SUSD1: variants seen among roughly 807,000 people sequenced by gnomAD.
SUSD1 encodes the protein sushi domain-containing protein 1.
Under a neutral mutation model 86.9 loss-of-function variants are expected in SUSD1, and 65 were observed. That is an observed-to-expected ratio of 0.75 (90% CI 0.61 to 0.92). SUSD1 has a LOEUF of 0.92. SUSD1 is among the 40% of genes least tolerant of loss of function. The pLI, the probability that SUSD1 is intolerant of heterozygous loss-of-function variation, is 0.00. For synonymous variants in SUSD1, 346 were observed against 350.0 expected (o/e 0.99, Z 0.13); for missense variants, 850 against 929.7 (o/e 0.91, Z 1.11).
intron 10 of SUSD1, among the ~76,000 whole-genome samples, chr9:112,085,677 C>T (rs566923796): frequency 6.6e-6 from 1 of 152,236 alleles, no homozygotes; most frequent in South Asian, 2.1e-4. Flanking sequence ...AATCTATGAA[C>T]TCAAGAAAAG....
At chr9:112,059,366 C>T (rs1012400593) in intron 13 of SUSD1, among the ~76,000 whole-genome samples, 2 of 152,158 alleles carry the variant, frequency 1.3e-5, no homozygotes, top group African/African-American at 4.8e-5. Flanking sequence ...TTCACGTGGG[C>T]AAATAAAGCC....
At chr9:112,118,567 C>G (rs1057057841) in intron 6 of SUSD1, among the ~76,000 whole-genome samples, 1 of 152,166 alleles carries the variant, frequency 6.6e-6, no homozygotes, top group Non-Finnish European at 1.5e-5. Context: ...TGACTGCAAC[C>G]TCCGCCTCCT....
intron 10 of SUSD1, among the ~76,000 whole-genome samples, chr9:112,093,849 T>A (rs777252844): frequency 3.9e-5 from 6 of 152,206 alleles, no homozygotes; most frequent in Non-Finnish European, 8.8e-5. Context: ...GATATCTGAT[T>A]ACCAGGAAAA....
chr9:112,079,254 T>C (rs1829662937), intron 11 of SUSD1, among the ~76,000 whole-genome samples: 2 of 152,110 alleles, frequency 1.3e-5, no homozygotes, highest in Non-Finnish European at 2.9e-5. Flanking sequence ...GTATAATAAA[T>C]ATATTTTTAA....
intron 6 of SUSD1, among the ~76,000 whole-genome samples, chr9:112,121,962 A>G (rs13285181): frequency 6.6e-6 from 1 of 152,246 alleles, no homozygotes; most frequent in Non-Finnish European, 1.5e-5. Flanking sequence ...AACTTTAGGA[A>G]AAAGACTAAC....
chr9:112,154,051 G>C (rs1396664779), intron 2 of SUSD1, among the ~76,000 whole-genome samples: 1 of 152,112 alleles, frequency 6.6e-6, no homozygotes, highest in Non-Finnish European at 1.5e-5. Flanking sequence ...CTAGGTGATA[G>C]GAATTTTTCA....
intron 1 of SUSD1, among the ~76,000 whole-genome samples, chr9:112,159,627 A>G (rs1476524463): frequency 6.6e-6 from 1 of 152,230 alleles, no homozygotes. Flanking sequence ...CCAAAAAAAC[A>G]TACTTGCAAA....
At chr9:112,048,453 C>A (rs1828049452) in intron 15 of SUSD1, among the ~76,000 whole-genome samples, 1 of 152,000 alleles carries the variant, frequency 6.6e-6, no homozygotes, top group South Asian at 2.1e-4. Context: ...AGGTTTATAT[C>A]CTGATGTAAG....
intron 5 of SUSD1, among the ~76,000 whole-genome samples, chr9:112,132,869 G>A (rs937256113): frequency 2.0e-5 from 3 of 152,178 alleles, no homozygotes; most frequent in Admixed American, 6.6e-5. Flanking sequence ...GACTGTTGAG[G>A]TTGGCCCCTC....
intron 10 of SUSD1, among the ~76,000 whole-genome samples, chr9:112,097,827 G>A (rs1431175379): frequency 1.3e-5 from 2 of 152,074 alleles, no homozygotes; most frequent in Non-Finnish European, 2.9e-5. Context: ...CTTCAAAGGG[G>A]TAGCCTCTTC....
At chr9:112,126,241 G>A (rs1463100610) in intron 5 of SUSD1, among the ~76,000 whole-genome samples, 1 of 152,172 alleles carries the variant, frequency 6.6e-6, no homozygotes, top group Non-Finnish European at 1.5e-5. Flanking sequence ...AGAGGTTGGA[G>A]GTATAGATTC....
chr9:112,166,632 C>G (rs1351900149), intron 1 of SUSD1, among the ~76,000 whole-genome samples: 1 of 152,082 alleles, frequency 6.6e-6, no homozygotes, highest in Middle Eastern at 3.2e-3. Context: ...ATAGAATAAC[C>G]CAAGGGAGAG....
intron 2 of SUSD1, among the ~76,000 whole-genome samples, chr9:112,154,375 G>A (rs1026626911): frequency 2.0e-5 from 3 of 151,100 alleles, no homozygotes; most frequent in East Asian, 1.9e-4. Context: ...TTAGCTGCAC[G>A]TGGTGGTGTG....
chr9:112,141,870 T>A (rs1427099057), intron 5 of SUSD1, among the ~76,000 whole-genome samples: 1 of 141,018 alleles, frequency 7.1e-6, no homozygotes, highest in East Asian at 2.2e-4. Flanking sequence ...TATATATACA[T>A]ATATGTGTGT....
chr9:112,110,128 C>T (rs1157212272), intron 8 of SUSD1, among the ~76,000 whole-genome samples: 1 of 152,058 alleles, frequency 6.6e-6, no homozygotes, highest in Non-Finnish European at 1.5e-5. Flanking sequence ...ATGGGCAGAT[C>T]ACTTGAGGTC....
intron 6 of SUSD1, among the ~76,000 whole-genome samples, chr9:112,115,188 C>T (rs1831261614): frequency 6.6e-6 from 1 of 152,188 alleles, no homozygotes; most frequent in Non-Finnish European, 1.5e-5. Flanking sequence ...CCTGTAGGGC[C>T]AATCCTATTC....
chr9:112,125,297 T>G (rs752847973), intron 5 of SUSD1, among the ~76,000 whole-genome samples: 12 of 152,126 alleles, frequency 7.9e-5, no homozygotes, highest in Admixed American at 2.6e-4. Context: ...ACATAACTAT[T>G]AGTAAAGGAT....
intron 1 of SUSD1, among the ~76,000 whole-genome samples, chr9:112,159,981 A>C (rs952222479): frequency 5.3e-5 from 8 of 152,140 alleles, no homozygotes; most frequent in African/African-American, 1.7e-4. Flanking sequence ...TCCCAGTCTC[A>C]GTTGGTTTGA....
intron 10 of SUSD1, among the ~76,000 whole-genome samples, chr9:112,088,423 G>A (rs768493911): frequency 6.6e-6 from 1 of 152,212 alleles, no homozygotes; most frequent in Non-Finnish European, 1.5e-5. Context: ...AAGGAAAATA[G>A]AATAAACTAG....
Sources: gnomAD v4.1 joint callset for allele counts (sites outside exome capture counted in the v4.1 genomes callset) on GRCh38, gnomAD v4.1.1 for gene constraint, MANE v1.5 for transcripts, NCBI Gene and HGNC (gene_info 2026-07-23, HGNC 2026-07-21) for gene names.